CA10: variants seen among roughly 807,000 people sequenced by gnomAD.
The protein encoded by CA10 is carbonic anhydrase 10 (inactive).
A neutral mutation model predicts 44.2 loss-of-function variants in CA10; 14 were observed. The observed-to-expected ratio is 0.32, with a 90% CI of 0.21 to 0.50. The LOEUF (loss-of-function observed/expected upper bound fraction) is 0.50. CA10 is among the 20% of genes least tolerant of loss of function. CA10 has a pLI of 0.99. For missense variants in CA10, 350 were observed against 409.7 expected (o/e 0.85, Z 1.26); for synonymous variants, 159 against 141.6 (o/e 1.12, Z -0.87).
At chr17:51,714,033 C>T (rs761268693) in intron 4 of CA10, among the ~76,000 whole-genome samples, 11 of 152,136 alleles carry the variant, frequency 7.2e-5, no homozygotes, top group Non-Finnish European at 1.0e-4. Context: ...ACTGAGTGCT[C>T]CCTGCCATGG....
chr17:51,969,500 C>T (rs1352475997), intron 2 of CA10, among the ~76,000 whole-genome samples: 1 of 151,944 alleles, frequency 6.6e-6, no homozygotes, highest in Non-Finnish European at 1.5e-5. Context: ...AAATGTGATG[C>T]CTTTTTTCAC....
At position 51,978,414 on chromosome 17, in the gene CA10, C is replaced by G. The variant is rs898958029; in HGVS notation, c.137-47282G>C. 3.9e-4 allele frequency among the ~76,000 whole-genome samples: 55 copies of G among 142,364 alleles called. 1 individual carries two copies. The highest frequency in any genetic ancestry group is 3.7e-3 in the Middle Eastern group (1 of 272). The allele number at this position is 142,364 out of a possible 152,430, so 93.4% of individuals were successfully genotyped here. ...TGTGTGTGTGTGTGTGTGTGTGTGT[C>G]TGTGTGTATGCAAAGGTACCAAAGC... On this transcript the variant is annotated intron_variant, in intron 2 of 8. Coordinates refer to ENST00000451037, the MANE Select transcript of CA10 (RefSeq NM_020178.5).
chr17:51,664,278 A>G (rs903646511), intron 4 of CA10, among the ~76,000 whole-genome samples: 2 of 152,250 alleles, frequency 1.3e-5, no homozygotes, highest in African/African-American at 4.8e-5. Flanking sequence ...AAATAGGCCA[A>G]TATCTTTTAC....
intron 2 of CA10, among the ~76,000 whole-genome samples, chr17:51,967,441 G>A (rs1428838372): frequency 6.6e-6 from 1 of 151,524 alleles, no homozygotes; most frequent in Non-Finnish European, 1.5e-5. Flanking sequence ...ATCAACCTAA[G>A]TGTCCCTCAA....
chr17:52,016,083 T>G lies in CA10; in HGVS notation c.136+56236A>C, dbSNP rs537818453. Among the ~76,000 whole-genome samples, 5 of 152,100 alleles carry G rather than the reference T, an allele frequency of 3.3e-5. No individual in the cohort carries two copies. The East Asian group carries it at 9.8e-4, about 30-fold the overall frequency. The stretch of plus-strand genomic sequence containing the variant: ...GGGATGGATGGAAAAGGAGAATCCT[T>G]TGGGAGAGGCATTGGAGTTTGCTGC... On this transcript the variant is annotated intron_variant, in intron 2 of 8. Transcript: ENST00000451037.
At chr17:52,137,867 T>C (rs1989393656) in intron 1 of CA10, among the ~76,000 whole-genome samples, 2 of 152,200 alleles carry the variant, frequency 1.3e-5, no homozygotes, top group Admixed American at 6.5e-5. Context: ...GAAATATTAA[T>C]AATTTTTCTA....
chr17:51,668,369 T>C (rs1002108720), intron 4 of CA10, among the ~76,000 whole-genome samples: 2 of 152,214 alleles, frequency 1.3e-5, no homozygotes, highest in Admixed American at 6.5e-5. Context: ...TAAATTACAA[T>C]GCATCTTCCT....
At chr17:52,102,773 T>C (rs762346173) in intron 1 of CA10, among the ~76,000 whole-genome samples, 11 of 152,206 alleles carry the variant, frequency 7.2e-5, no homozygotes, top group Non-Finnish European at 1.3e-4. Flanking sequence ...CCTCAGTTTA[T>C]CTTTTAACAG....
intron 6 of CA10, among the ~76,000 whole-genome samples, chr17:51,641,149 C>T (rs1235822589): frequency 1.4e-5 from 2 of 144,360 alleles, no homozygotes; most frequent in Admixed American, 1.4e-4. Context: ...CTCTCTCTCT[C>T]AGCTCTCTCT....
intron 3 of CA10, among the ~76,000 whole-genome samples, chr17:51,751,133 A>G (rs1904875829): frequency 6.6e-6 from 1 of 152,248 alleles, no homozygotes; most frequent in African/African-American, 2.4e-5. Context: ...ATATTGAAAC[A>G]AATAGCAAAA....
intron 4 of CA10, among the ~76,000 whole-genome samples, chr17:51,693,588 C>A (rs757336944): frequency 1.3e-5 from 2 of 152,096 alleles, no homozygotes; most frequent in African/African-American, 2.4e-5. Flanking sequence ...TGAGAACATG[C>A]AGTATTTGGT....
intron 3 of CA10, among the ~76,000 whole-genome samples, chr17:51,861,745 C>A (rs147484949): frequency 5.9e-5 from 9 of 152,164 alleles, no homozygotes; most frequent in Admixed American, 1.3e-4. Flanking sequence ...TGTCTAGGGA[C>A]TTGATTTACA....
intron 3 of CA10, among the ~76,000 whole-genome samples, chr17:51,836,552 C>T (rs919124209): frequency 6.6e-6 from 1 of 152,160 alleles, no homozygotes. Context: ...GGTCTTTCCC[C>T]CACTCGCCTG....
At chr17:51,849,238 T>TAC (rs1978672804) in intron 3 of CA10, among the ~76,000 whole-genome samples, 26 of 110,128 alleles carry the variant, frequency 2.4e-4, no homozygotes, top group African/African-American at 9.4e-4. Context: ...TGTGTGTATA[T>TAC]ATATATATAT....
intron 1 of CA10, among the ~76,000 whole-genome samples, chr17:52,148,002 C>T (rs185592614): frequency 9.9e-4 from 151 of 152,316 alleles, no homozygotes; most frequent in Non-Finnish European, 1.7e-3. Flanking sequence ...AGCAAATCCA[C>T]TCTGTTCTTT....
chr17:51,839,786 T>C (rs945145843), intron 3 of CA10, among the ~76,000 whole-genome samples: 3 of 152,236 alleles, frequency 2.0e-5, no homozygotes, highest in African/African-American at 4.8e-5. Flanking sequence ...TTGGAAGAGA[T>C]GCAAATATAG....
intron 5 of CA10, among the ~76,000 whole-genome samples, chr17:51,651,251 G>A (rs1337225670): frequency 2.6e-5 from 4 of 152,172 alleles, no homozygotes; most frequent in South Asian, 4.1e-4. Flanking sequence ...GGGACCAAGA[G>A]CTTTGTTCAT....
rs144432854 is a variant in CA10, at chr17:51,795,276, G to A, written c.280-47458C>T. 9.2e-5 allele frequency among the ~76,000 whole-genome samples: 14 copies of A among 152,296 alleles called. No homozygotes were observed. The East Asian group carries it at 2.7e-3, about 29-fold the overall frequency. On this transcript the variant is annotated intron_variant, in intron 3 of 8. Coordinates refer to ENST00000451037, the MANE Select transcript of CA10 (RefSeq NM_020178.5). ...GTCTCTGGTGCCATCTACACCATAA[G>A]ATAAAACAGTGAGGACCAACATTCG...
intron 4 of CA10, among the ~76,000 whole-genome samples, chr17:51,722,726 A>C (rs1916386881): frequency 6.6e-6 from 1 of 152,224 alleles, no homozygotes; most frequent in African/African-American, 2.4e-5. Flanking sequence ...GAATCTCAGA[A>C]AGACAGACTA....
Sources: allele counts gnomAD v4.1 joint callset (sites outside exome capture counted in the v4.1 genomes callset), GRCh38; gene constraint gnomAD v4.1.1; transcripts MANE v1.5; gene names NCBI Gene and HGNC (gene_info 2026-07-23, HGNC 2026-07-21).